The following SEMA3D variants were observed in gnomAD, a reference collection of about 807,000 sequenced individuals.
The protein encoded by SEMA3D is semaphorin-3D.
A neutral mutation model predicts 100.1 loss-of-function variants in SEMA3D; 84 were observed. That is an observed-to-expected ratio of 0.84 (90% CI 0.70 to 1.01). SEMA3D has a LOEUF of 1.01. Ranked by LOEUF, SEMA3D falls within the 50% of genes least tolerant of loss-of-function variation. SEMA3D has a pLI of 0.00. For missense variants in SEMA3D, 875 were observed against 934.1 expected (o/e 0.94, Z 0.82); for synonymous variants, 312 against 320.7 (o/e 0.97, Z 0.29).
chr7:85,202,351 T>C, the SEMA3D span, among the ~76,000 whole-genome samples: 79 of 152,032 alleles, frequency 5.2e-4, no homozygotes, highest in African/African-American at 1.9e-3. Flanking sequence ...GAATGATGAT[T>C]TCCAATTTCA....
intron 9 of SEMA3D, among the ~76,000 whole-genome samples, chr7:85,049,706 G>A (rs1405406905): frequency 1.3e-5 from 2 of 151,626 alleles, no homozygotes; most frequent in African/African-American, 2.4e-5. Context: ...AAGTGTCATC[G>A]GCCTAAAAAC....
intron 3 of SEMA3D, among the ~76,000 whole-genome samples, chr7:85,112,539 A>G (rs1789121832): frequency 6.6e-6 from 1 of 152,180 alleles, no homozygotes; most frequent in Non-Finnish European, 1.5e-5. Context: ...GTTTTCCTCA[A>G]GGGCATGGCA....
Position 85,040,741 on chromosome 7 carries a change from T to C in SEMA3D, c.978A>G (p.Gln326=). 1.5e-6 allele frequency: 2 copies of C among 1,318,210 alleles called. No homozygotes were observed. The highest frequency in any genetic ancestry group is 2.4e-5 in the South Asian group (2 of 82,980). 81.7% of individuals were successfully genotyped at this position (1,318,210 alleles called of 1,614,324 possible). ...DGADTYFDEL[Q]DIYLLPTRDE... is the part of the protein sequence containing the mutation. ...CTCTTGTGGGGAGTAAATAAATATC[T>C]TCTATTAAAGGGGAAAAATAAATAT... The change falls in exon 11 of 19, where the codon CAA becomes CAG. Residue 326 remains glutamine, a splice_region_variant and synonymous_variant. Transcript: ENST00000284136.
At chr7:85,168,195 C>G (rs1324649262) in intron 1 of SEMA3D, among the ~76,000 whole-genome samples, 2 of 151,764 alleles carry the variant, frequency 1.3e-5, no homozygotes, top group African/African-American at 2.4e-5. Flanking sequence ...CCATCTCTAC[C>G]TACAGAGCCT....
the SEMA3D span, among the ~76,000 whole-genome samples, chr7:85,238,489 C>T: frequency 2.6e-4 from 40 of 152,208 alleles, no homozygotes; most frequent in Admixed American, 4.6e-4. Context: ...TTTGCTCTTT[C>T]GTCAAAAATC....
At chr7:85,151,604 T>C (rs1461242531) in intron 2 of SEMA3D, 3 of 537,020 alleles carry the variant, frequency 5.6e-6, no homozygotes, top group Non-Finnish European at 6.9e-6. Flanking sequence ...TATGCGTGTG[T>C]GTGTGTGTGT....
the SEMA3D span, among the ~76,000 whole-genome samples, chr7:85,224,827 T>G: frequency 6.6e-6 from 1 of 151,950 alleles, no homozygotes; most frequent in Non-Finnish European, 1.5e-5. Context: ...AAAGCCTTGC[T>G]TTATACTGAT....
At chr7:85,077,766 A>C (rs1032014839) in intron 5 of SEMA3D, among the ~76,000 whole-genome samples, 2 of 152,142 alleles carry the variant, frequency 1.3e-5, no homozygotes, top group African/African-American at 4.8e-5. Context: ...TGCTGGTAAG[A>C]GCATATGAGG....
rs773789047 is a variant in SEMA3D, at chr7:85,097,838, G to A, written c.279C>T (p.Leu93=). 1.9e-6 allele frequency: 3 copies of A among 1,606,914 alleles called. No homozygotes were observed. The highest frequency in any genetic ancestry group is 2.6e-6 in the Non-Finnish European group (3 of 1,174,692). ...AATTTTTGTTTAAGTCAACCAGACTGAGTAGAAAGATGTGGTCTTTGGCTC... is the reference window on the plus strand; with the variant it reads ...AATTTTTGTTTAAGTCAACCAGACTAAGTAGAAAGATGTGGTCTTTGGCTC... ...LLGAKDHIFL[L]SLVDLNKNFK... The change falls in exon 4 of 19, where the codon CTC becomes CTT. Residue 93 remains leucine (L), a synonymous_variant. Transcript: ENST00000284136.
chr7:85,122,175 T>C (rs1415884744), intron 2 of SEMA3D, among the ~76,000 whole-genome samples: 1 of 151,306 alleles, frequency 6.6e-6, no homozygotes, highest in Non-Finnish European at 1.5e-5. Flanking sequence ...CCATGGCACG[T>C]GTACACCTAT....
chr7:85,103,119 T>A (rs1788799862), intron 3 of SEMA3D, among the ~76,000 whole-genome samples: 1 of 152,076 alleles, frequency 6.6e-6, no homozygotes, highest in Non-Finnish European at 1.5e-5. Context: ...ACAAGTTCCC[T>A]CTTTTCCAAC....
intron 8 of SEMA3D, among the ~76,000 whole-genome samples, chr7:85,057,322 T>G (rs1791348947): frequency 6.6e-6 from 1 of 152,036 alleles, no homozygotes. Context: ...AATAATTGGA[T>G]TAAAGCAAAG....
intron 2 of SEMA3D, among the ~76,000 whole-genome samples, chr7:85,149,452 A>G (rs931044998): frequency 6.6e-6 from 1 of 152,076 alleles, no homozygotes; most frequent in Non-Finnish European, 1.5e-5. Context: ...TGTCTCAAAA[A>G]ATAAATAAAC....
At chr7:85,168,913 GT>G (rs1255463823) in intron 1 of SEMA3D, among the ~76,000 whole-genome samples, 2 of 151,392 alleles carry the variant, frequency 1.3e-5, no homozygotes, top group Non-Finnish European at 3.0e-5. Flanking sequence ...AAGGAGGGCA[GT>G]AAAGTGTTGG....
chr7:85,249,886 A>C, the SEMA3D span, among the ~76,000 whole-genome samples: 1 of 152,226 alleles, frequency 6.6e-6, no homozygotes, highest in Non-Finnish European at 1.5e-5. Context: ...GAATAGGAAC[A>C]GCTCCAGTCT....
intron 5 of SEMA3D, among the ~76,000 whole-genome samples, chr7:85,080,690 A>G (rs1223476406): frequency 6.6e-6 from 1 of 152,170 alleles, no homozygotes; most frequent in Non-Finnish European, 1.5e-5. Flanking sequence ...GACAGAAGAC[A>G]GAATATCTGT....
At chr7:85,248,050 C>A in the SEMA3D span, among the ~76,000 whole-genome samples, 3 of 151,988 alleles carry the variant, frequency 2.0e-5, no homozygotes, top group East Asian at 5.8e-4. Context: ...AAAAGACAAG[C>A]CACAGACTGG....
At chr7:85,058,014 TG>T (rs1209475774) in intron 8 of SEMA3D, among the ~76,000 whole-genome samples, 1 of 152,192 alleles carries the variant, frequency 6.6e-6, no homozygotes, top group African/African-American at 2.4e-5. Flanking sequence ...CTCTCTGGGT[TG>T]GCCCTGTGTC....
intron 12 of SEMA3D, chr7:85,028,946 A>C (rs1419452616): frequency 2.1e-5 from 6 of 282,074 alleles, no homozygotes; most frequent in Non-Finnish European, 4.4e-5. Flanking sequence ...CTTATGATGC[A>C]GCTGTCCAGG....
Sources: allele counts gnomAD v4.1 joint callset (sites outside exome capture counted in the v4.1 genomes callset), GRCh38; gene constraint gnomAD v4.1.1; transcripts MANE v1.5; gene names NCBI Gene and HGNC (gene_info 2026-07-23, HGNC 2026-07-21).